IGFBP2: variants seen among roughly 807,000 people sequenced by gnomAD.
IGFBP2 encodes insulin-like growth factor-binding protein 2.
A neutral mutation model predicts 26.2 loss-of-function variants in IGFBP2; 12 were observed. The ratio of observed to expected loss-of-function variants is 0.46; its 90% CI spans 0.29 to 0.74. The LOEUF (loss-of-function observed/expected upper bound fraction) is 0.74, where lower values mean the gene tolerates loss of function less well. Among genes scored for constraint, IGFBP2 ranks in the 30% least tolerant of loss-of-function variants. The probability of loss-of-function intolerance (pLI) is 0.09; values close to 1 mark genes in which losing one functional copy is unlikely to be tolerated. For synonymous variants in IGFBP2, 189 were observed against 200.6 expected (o/e 0.94, Z 0.49); for missense variants, 328 against 441.2 (o/e 0.74, Z 2.30).
chr2:216,644,559 G>T (rs894804762), intron 1 of IGFBP2, among the ~76,000 whole-genome samples: 2 of 152,024 alleles, frequency 1.3e-5, no homozygotes, highest in Admixed American at 6.6e-5. Flanking sequence ...AGAAGAGGGG[G>T]GTGTTTCAGC....
At chr2:216,637,388 C>A (rs1241872473) in intron 1 of IGFBP2, among the ~76,000 whole-genome samples, 2 of 152,204 alleles carry the variant, frequency 1.3e-5, no homozygotes, top group Non-Finnish European at 2.9e-5. Flanking sequence ...CCGACAGATT[C>A]TGGACCAGTG....
intron 1 of IGFBP2, among the ~76,000 whole-genome samples, chr2:216,649,605 G>A (rs943088853): frequency 2.6e-5 from 4 of 152,252 alleles, no homozygotes; most frequent in Non-Finnish European, 5.9e-5. Flanking sequence ...AAAGCTGATA[G>A]TGCTGTTTGC....
intron 1 of IGFBP2, among the ~76,000 whole-genome samples, chr2:216,659,021 G>A (rs146028825): frequency 1.3e-5 from 2 of 152,290 alleles, no homozygotes; most frequent in East Asian, 3.9e-4. Context: ...ACTTTAACCC[G>A]GCTACACCCC....
In IGFBP2 at chr2:216,633,601, C is replaced by T; in HGVS notation, c.78C>T (p.Gly26=). 2.1e-6 allele frequency: 2 copies of T among 942,368 alleles called. No homozygotes were observed. Among genetic ancestry groups the T allele is most frequent in the Non-Finnish European group, 2.5e-6 (2 of 806,686 alleles). The allele number at this position is 942,368 out of a possible 1,614,324, so 58.4% of individuals were successfully genotyped here. A position where few individuals can be genotyped will look rare whatever the true frequency, so the allele number is the denominator to read the frequency against. ...TGCCGCTGCTGCTGCTGCTACTGGG[C>T]GCGAGTGGCGGCGGCGGCGGGGCGC... ...PLLPLLLLLL[G]ASGGGGGARA... is the part of the protein sequence containing the mutation. Residue 26 remains glycine (G), a synonymous_variant, in exon 1 of 4, where the codon GGC becomes GGT. Coordinates refer to ENST00000233809, the MANE Select transcript of IGFBP2 (RefSeq NM_000597.3).
intron 1 of IGFBP2, 126 bp downstream of exon 1, chr2:216,634,091 G>A (rs1018948438): frequency 5.4e-5 from 73 of 1,363,424 alleles, no homozygotes; most frequent in Middle Eastern, 2.7e-4. Context: ...AATCAAGGGG[G>A]ACTGTTGCTA....
chr2:216,655,817 C>T (rs1234996464), intron 1 of IGFBP2, among the ~76,000 whole-genome samples: 4 of 151,936 alleles, frequency 2.6e-5, no homozygotes, highest in African/African-American at 9.7e-5. Flanking sequence ...ATTGCTCAAA[C>T]CCAGGAGGCG....
intron 1 of IGFBP2, among the ~76,000 whole-genome samples, chr2:216,647,773 G>C (rs1446145692): frequency 6.6e-6 from 1 of 152,144 alleles, no homozygotes; most frequent in Non-Finnish European, 1.5e-5. Context: ...GCCCGCCTTG[G>C]CCTCCCAAAG....
rs766305397 is a variant in IGFBP2, at chr2:216,664,019, C to T, written c.893C>T (p.Pro298Leu). The T allele has an allele frequency of 6.2e-7, 1 of 1,614,152 alleles. No individual in the cohort carries two copies. Among genetic ancestry groups the T allele is most frequent in the Non-Finnish European group, 8.5e-7 (1 of 1,180,028 alleles). ...ACCGGGAAGCTGATCCAGGGAGCCCCCACCATCCGGGGGGACCCCGAGTGT... is the reference window on the plus strand; with the variant it reads ...ACCGGGAAGCTGATCCAGGGAGCCCTCACCATCCGGGGGGACCCCGAGTGT... ...PNTGKLIQGA[P>L]TIRGDPECHL... The change falls in exon 4 of 4, where the codon CCC (proline) becomes CTC (leucine). Residue 298 changes from proline (P) to leucine (L), a missense_variant. Coordinates refer to ENST00000233809, the MANE Select transcript of IGFBP2 (RefSeq NM_000597.3). The surrounding 1 kb of genome is among the most constrained non-coding windows in gnomAD (Gnocchi z 4.6).
chr2:216,661,295 G>T (rs535579412), intron 2 of IGFBP2: 1 of 250,234 alleles, frequency 4.0e-6, no homozygotes, highest in Non-Finnish European at 7.8e-6. Context: ...TGGAAATGTG[G>T]GTCTCACTAT....
intron 1 of IGFBP2, 149 bp downstream of exon 1, chr2:216,634,114 A>G: frequency 7.6e-7 from 1 of 1,312,958 alleles, no homozygotes; most frequent in Non-Finnish European, 1.0e-6. Flanking sequence ...GGGACGCGGA[A>G]GTCAGGCCCG....
In IGFBP2 at chr2:216,651,213, C is replaced by G. The variant is rs181259070; in HGVS notation, c.443-9344C>G. 1.7e-3 allele frequency among the ~76,000 whole-genome samples: 258 copies of G among 152,318 alleles called. 1 individual carries two copies. Among genetic ancestry groups the G allele is most frequent in the African/African-American group, 5.9e-3 (246 of 41,566 alleles). On this transcript the variant is annotated intron_variant, in intron 1 of 3. Coordinates refer to ENST00000233809, the MANE Select transcript of IGFBP2 (RefSeq NM_000597.3). ...AATAGAACCCCCATTTTACCTTCCTCTTTCCTAACTTCTGCCTCCCTCCCT... is the reference window on the plus strand; with the variant it reads ...AATAGAACCCCCATTTTACCTTCCTGTTTCCTAACTTCTGCCTCCCTCCCT...
intron 1 of IGFBP2, among the ~76,000 whole-genome samples, chr2:216,641,391 G>A (rs1487397354): frequency 6.6e-6 from 1 of 152,152 alleles, no homozygotes; most frequent in Admixed American, 6.5e-5. Context: ...ATCAGAAATT[G>A]ATAGTATTTC....
intron 1 of IGFBP2, among the ~76,000 whole-genome samples, chr2:216,654,384 T>A (rs1302216061): frequency 6.6e-6 from 1 of 152,050 alleles, no homozygotes; most frequent in Non-Finnish European, 1.5e-5. Flanking sequence ...CCATAGGAGG[T>A]GCATACTGTT....
At chr2:216,658,628 C>T (rs1014276855) in intron 1 of IGFBP2, among the ~76,000 whole-genome samples, 1 of 152,130 alleles carries the variant, frequency 6.6e-6, no homozygotes, top group African/African-American at 2.4e-5. Context: ...CAGCTCACTG[C>T]AACCTCCACC....
chr2:216,659,862 G>A lies in IGFBP2; in HGVS notation c.443-695G>A, dbSNP rs9341196. ...TTGGGAACGAGGGAATGTCAGTGTG[G>A]CAGAGCTGTAGCTGCCTCGGAGCAG... is the stretch of plus-strand genomic sequence containing the variant. On this transcript the variant is annotated intron_variant, in intron 1 of 3. Transcript: ENST00000233809. 1.4e-3 allele frequency: 1,220 copies of A among 859,278 alleles called. 10 individuals are homozygous for A. In the African/African-American group the frequency reaches 0.018, roughly 13 times the overall value. 53.2% of individuals were successfully genotyped at this position (859,278 alleles called of 1,614,324 possible).
chr2:216,643,066 C>G (rs1697646915), intron 1 of IGFBP2, among the ~76,000 whole-genome samples: 1 of 152,198 alleles, frequency 6.6e-6, no homozygotes, highest in Admixed American at 6.5e-5. Context: ...GTGCAGTCAT[C>G]AAAGCCAGTG....
chr2:216,644,412 G>A lies in IGFBP2; in HGVS notation c.442+10447G>A, dbSNP rs553808403. On this transcript the variant is annotated intron_variant, in intron 1 of 3. Transcript: ENST00000233809. ...ATTAGTGGAGGACGGTGAAGGTGTG[G>A]CAGCCTGTGTTCATTCAAGGAACTG... Among the ~76,000 whole-genome samples, 36 of 152,308 alleles carry A rather than the reference G, an allele frequency of 2.4e-4. 1 individual carries two copies. The highest frequency in any genetic ancestry group is 2.3e-3 in the Admixed American group (35 of 15,292).
chr2:216,637,849 A>T (rs1003719863), intron 1 of IGFBP2, among the ~76,000 whole-genome samples: 3 of 152,216 alleles, frequency 2.0e-5, no homozygotes, highest in African/African-American at 7.2e-5. Flanking sequence ...CAAGACTTTC[A>T]GGCAAATCAT....
rs950624504 is a variant in IGFBP2 at position 216,643,544 on chromosome 2, C to T, written c.442+9579C>T. ...AGGCAAAGTACTGCCATTGGGAATC[C>T]GGGGTGGATGGTCATGTTAGACCAG... is the stretch of plus-strand genomic sequence containing the variant. On this transcript the variant is annotated intron_variant, in intron 1 of 3. Transcript: ENST00000233809. Among the ~76,000 whole-genome samples, 4 of 152,166 alleles carry T rather than the reference C, an allele frequency of 2.6e-5. 1 individual carries two copies. The highest frequency in any genetic ancestry group is 1.9e-4 in the East Asian group (1 of 5,178).
Sources: gnomAD v4.1 joint callset for allele counts (sites outside exome capture counted in the v4.1 genomes callset) on GRCh38, gnomAD v4.1.1 for gene constraint, Gnocchi (gnomAD v3.1) non-coding constraint, MANE v1.5 for transcripts, NCBI Gene and HGNC (gene_info 2026-07-23, HGNC 2026-07-21) for gene names.